The following STK33 variants were observed in gnomAD, a reference collection of about 807,000 sequenced individuals.
STK33 encodes serine/threonine-protein kinase 33.
In STK33, 52 loss-of-function variants were observed where a neutral mutation model predicts 58.0. The observed-to-expected ratio is 0.90, with a 90% confidence interval of 0.72 to 1.13. The LOEUF is 1.13. STK33 is among the 50% of genes most tolerant of loss of function. The pLI, the probability that STK33 is intolerant of heterozygous loss-of-function variation, is 0.00. For synonymous variants in STK33, 215 were observed against 200.1 expected (o/e 1.07, Z -0.63); for missense variants, 630 against 604.2 (o/e 1.04, Z -0.45).
intron 1 of STK33, among the ~76,000 whole-genome samples, chr11:8,557,389 G>C (rs1956839226): frequency 6.6e-6 from 1 of 150,830 alleles, no homozygotes; most frequent in African/African-American, 2.4e-5. Context: ...AGGAAAAAAG[G>C]AGGGGAAAAA....
At chr11:8,472,139 G>A (rs1444546539) in intron 6 of STK33, among the ~76,000 whole-genome samples, 1 of 152,062 alleles carries the variant, frequency 6.6e-6, no homozygotes, top group Non-Finnish European at 1.5e-5. Flanking sequence ...ATGTTGCCCA[G>A]TCTGGTCTCA....
At chr11:8,528,129 C>G (rs1318153947) in intron 1 of STK33, among the ~76,000 whole-genome samples, 2 of 152,086 alleles carry the variant, frequency 1.3e-5, no homozygotes, top group Non-Finnish European at 2.9e-5. Context: ...CTGAGGAATG[C>G]GAGTTATGCA....
chr11:8,446,892 C>T (rs918538218), intron 11 of STK33, among the ~76,000 whole-genome samples: 1 of 152,162 alleles, frequency 6.6e-6, no homozygotes, highest in Non-Finnish European at 1.5e-5. Flanking sequence ...CAATACCATT[C>T]AGGATATAGG....
intron 1 of STK33, among the ~76,000 whole-genome samples, chr11:8,573,430 C>A (rs1025599034): frequency 1.3e-5 from 2 of 152,050 alleles, no homozygotes; most frequent in Non-Finnish European, 2.9e-5. Context: ...AGTAGCAATA[C>A]CAAATGCTGG....
chr11:8,400,593 T>C (rs1367026931), intron 15 of STK33, among the ~76,000 whole-genome samples: 35 of 151,006 alleles, frequency 2.3e-4, no homozygotes, highest in East Asian at 1.9e-4. Context: ...CACTCCTATT[T>C]AACATAGTGT....
intron 1 of STK33, among the ~76,000 whole-genome samples, chr11:8,561,970 G>A (rs1957142902): frequency 6.6e-6 from 1 of 152,072 alleles, no homozygotes; most frequent in Admixed American, 6.6e-5. Context: ...TCTCCCACAA[G>A]GCACAGAACA....
chr11:8,401,975 G>A (rs1938090592), intron 15 of STK33, among the ~76,000 whole-genome samples: 1 of 152,136 alleles, frequency 6.6e-6, no homozygotes, highest in African/African-American at 2.4e-5. Context: ...AACAGGTGCT[G>A]GAGAAGATGT....
At chr11:8,429,072 G>T (rs565841104) in intron 14 of STK33, among the ~76,000 whole-genome samples, 11 of 152,148 alleles carry the variant, frequency 7.2e-5, no homozygotes, top group Admixed American at 5.9e-4. Flanking sequence ...AAGTAGAATA[G>T]AAAAATAGAG....
chr11:8,425,385 G>A (rs1417977624), intron 14 of STK33, among the ~76,000 whole-genome samples: 1 of 152,150 alleles, frequency 6.6e-6, no homozygotes, highest in Non-Finnish European at 1.5e-5. Context: ...TTTGGTTACT[G>A]TAGCCTTGTA....
At chr11:8,491,769 G>C (rs1171500257) in intron 1 of STK33, among the ~76,000 whole-genome samples, 2 of 152,204 alleles carry the variant, frequency 1.3e-5, no homozygotes, top group Admixed American at 1.3e-4. Flanking sequence ...CTACAAGCCA[G>C]AAGAGAGTGA....
chr11:8,445,987 G>A (rs1376633788), intron 11 of STK33, among the ~76,000 whole-genome samples: 4 of 151,762 alleles, frequency 2.6e-5, no homozygotes, highest in Admixed American at 6.6e-5. Context: ...GGTAGAATTC[G>A]GCTGTGAATC....
intron 1 of STK33, among the ~76,000 whole-genome samples, chr11:8,575,782 T>G (rs1014023107): frequency 4.6e-5 from 7 of 152,154 alleles, no homozygotes; most frequent in African/African-American, 1.7e-4. Flanking sequence ...CACGACCAAG[T>G]AGGGTTCATC....
intron 1 of STK33, among the ~76,000 whole-genome samples, chr11:8,561,342 C>T (rs1345984252): frequency 6.6e-6 from 1 of 152,142 alleles, no homozygotes; most frequent in Non-Finnish European, 1.5e-5. Context: ...CACATTCCAC[C>T]AAAACTCAGA....
intron 1 of STK33, among the ~76,000 whole-genome samples, chr11:8,551,254 T>G (rs1956279594): frequency 6.6e-6 from 1 of 152,016 alleles, no homozygotes; most frequent in Non-Finnish European, 1.5e-5. Context: ...CTCGGCCTCC[T>G]GAGTAGCTGG....
At chr11:8,448,492 A>T (rs544110913) in intron 11 of STK33, among the ~76,000 whole-genome samples, 1 of 152,304 alleles carries the variant, frequency 6.6e-6, no homozygotes, top group East Asian at 1.9e-4. Flanking sequence ...ATCTACAACC[A>T]TCTGATCTTT....
chr11:8,514,018 GTTTACTTGTCTTAGTATT>G (rs1293910297), intron 1 of STK33, among the ~76,000 whole-genome samples: 1 of 151,678 alleles, frequency 6.6e-6, no homozygotes, highest in African/African-American at 2.4e-5. Context: ...ATCTCCATGA[GTTTACTTGTCTTAGTATT>G]TTAGCTCCCA....
At chr11:8,401,342 A>G (rs1447700239) in intron 15 of STK33, among the ~76,000 whole-genome samples, 1 of 152,216 alleles carries the variant, frequency 6.6e-6, no homozygotes, top group Non-Finnish European at 1.5e-5. Context: ...GATCTTTGAC[A>G]AACCTGACAA....
intron 15 of STK33, among the ~76,000 whole-genome samples, chr11:8,413,040 C>T (rs1460599801): frequency 6.6e-6 from 1 of 152,028 alleles, no homozygotes; most frequent in Non-Finnish European, 1.5e-5. Context: ...AGATCCATTC[C>T]AAATTCTATA....
chr11:8,553,203 A>ATATATATATATATATATATATGGTG (rs1565347666), intron 1 of STK33, among the ~76,000 whole-genome samples: 2,957 of 72,572 alleles, frequency 0.041, 90 homozygotes, highest in African/African-American at 0.062. Flanking sequence ...TATATGGTGT[A>ATATATATATATATATATATATGGTG]TATATATATA....
Sources: gnomAD v4.1 joint callset for allele counts (sites outside exome capture counted in the v4.1 genomes callset) on GRCh38, gnomAD v4.1.1 for gene constraint, MANE v1.5 for transcripts, NCBI Gene and HGNC (gene_info 2026-07-23, HGNC 2026-07-21) for gene names.